Variants in NCKAP5 observed in about 807,000 individuals in gnomAD.
NCKAP5 encodes nck-associated protein 5.
NCKAP5 carries 92 observed loss-of-function variants against 167.0 expected under a neutral mutation model. The ratio of observed to expected loss-of-function variants is 0.55; its 90% confidence interval spans 0.47 to 0.66. The LOEUF (loss-of-function observed/expected upper bound fraction) is 0.66. NCKAP5 is among the 30% of genes least tolerant of loss of function. The pLI is 0.00. For missense variants in NCKAP5, 2,378 were observed against 2,315.0 expected (o/e 1.03, Z -0.56); for synonymous variants, 891 against 877.4 (o/e 1.02, Z -0.27).
At chr2:133,592,719 T>C in the NCKAP5 span, among the ~76,000 whole-genome samples, 1 of 152,228 alleles carries the variant, frequency 6.6e-6, no homozygotes, top group Non-Finnish European at 1.5e-5. Context: ...AGAATACACT[T>C]TGCCTACACT....
At chr2:133,508,329 G>A (rs984579276) in intron 3 of NCKAP5, among the ~76,000 whole-genome samples, 3 of 152,116 alleles carry the variant, frequency 2.0e-5, no homozygotes, top group Non-Finnish European at 2.9e-5. Context: ...CCTCCTCCTT[G>A]GGGAAGCCCT....
chr2:133,304,483 C>A (rs1680630159), intron 3 of NCKAP5, among the ~76,000 whole-genome samples: 1 of 152,146 alleles, frequency 6.6e-6, no homozygotes. Flanking sequence ...TTAAACAAGA[C>A]CACTGGGAAT....
At chr2:133,656,644 C>CTCTT in the NCKAP5 span, among the ~76,000 whole-genome samples, 3 of 152,196 alleles carry the variant, frequency 2.0e-5, no homozygotes, top group Non-Finnish European at 4.4e-5. Context: ...ATTTGTAAGG[C>CTCTT]TCTTGTCTTG....
At chr2:133,638,525 T>G in the NCKAP5 span, among the ~76,000 whole-genome samples, 2 of 152,176 alleles carry the variant, frequency 1.3e-5, no homozygotes, top group African/African-American at 2.4e-5. Flanking sequence ...TAGATGGCAC[T>G]ACGTCCAAAT....
intron 3 of NCKAP5, among the ~76,000 whole-genome samples, chr2:133,479,932 C>CTTT (rs11368084): frequency 5.2e-5 from 7 of 133,584 alleles, no homozygotes; most frequent in African/African-American, 1.4e-4. Context: ...TTTCTTTTTC[C>CTTT]TTTTTTTTTT....
chr2:132,937,626 C>T (rs986261964), intron 8 of NCKAP5, among the ~76,000 whole-genome samples: 9 of 152,312 alleles, frequency 5.9e-5, no homozygotes, highest in Admixed American at 5.2e-4. Context: ...TTGATTGCTG[C>T]TTGTTGTTAC....
intron 16 of NCKAP5, among the ~76,000 whole-genome samples, chr2:132,735,402 T>C (rs559712822): frequency 2.0e-5 from 3 of 152,288 alleles, no homozygotes; most frequent in African/African-American, 4.8e-5. Flanking sequence ...ACCTTCTCTC[T>C]TGCTCCTGCT....
rs1191130559 is a variant in NCKAP5, at chr2:132,758,135, C to T, written c.5128+15681G>A. The stretch of plus-strand genomic sequence containing the variant: ...TGAGTTAGCCTCCTGTCTCCTCATT[C>T]GGTTGCTTTGCAGTAAACCTTTCTC... On this transcript the variant is annotated intron_variant, in intron 16 of 19. Coordinates refer to ENST00000409261, the MANE Select transcript of NCKAP5 (RefSeq NM_207363.3). 7.9e-5 allele frequency among the ~76,000 whole-genome samples: 12 copies of T among 152,188 alleles called. 1 individual carries two copies. Among genetic ancestry groups the T allele is most frequent in the Admixed American group, 5.9e-4 (9 of 15,288 alleles).
chr2:133,332,641 T>G (rs1682936568), intron 3 of NCKAP5, among the ~76,000 whole-genome samples: 1 of 152,166 alleles, frequency 6.6e-6, no homozygotes, highest in Admixed American at 6.5e-5. Context: ...AAAAGAAAAT[T>G]TTTAAGGATT....
At chr2:133,108,769 AAG>A (rs2081808125) in intron 6 of NCKAP5, among the ~76,000 whole-genome samples, 1 of 152,158 alleles carries the variant, frequency 6.6e-6, no homozygotes, top group South Asian at 2.1e-4. Context: ...TAAGACATAA[AAG>A]TAAGGTTATA....
At chr2:133,282,112 T>C (rs957776630) in intron 4 of NCKAP5, among the ~76,000 whole-genome samples, 1 of 152,216 alleles carries the variant, frequency 6.6e-6, no homozygotes, top group African/African-American at 2.4e-5. Flanking sequence ...CCAGCCAAAC[T>C]AGTTAATTAA....
At chr2:133,671,178 G>A in the NCKAP5 span, among the ~76,000 whole-genome samples, 1 of 128,628 alleles carries the variant, frequency 7.8e-6, no homozygotes, top group African/African-American at 3.1e-5. Context: ...TCGTGCCATT[G>A]CACTCCAGCC....
intron 8 of NCKAP5, among the ~76,000 whole-genome samples, chr2:132,891,534 C>CCT (rs1363265319): frequency 6.6e-6 from 1 of 152,160 alleles, no homozygotes; most frequent in Non-Finnish European, 1.5e-5. Flanking sequence ...TATGAGTCTG[C>CCT]CTCTCTCTCC....
At chr2:132,979,967 ATTTTTT>A (rs202183850) in intron 7 of NCKAP5, among the ~76,000 whole-genome samples, 2 of 143,056 alleles carry the variant, frequency 1.4e-5, no homozygotes, top group South Asian at 2.3e-4. Flanking sequence ...CAGTACAATG[ATTTTTT>A]TTTTCTTTTT....
chr2:133,570,660 G>T (rs145740230), upstream of NCKAP5, among the ~76,000 whole-genome samples: 2 of 152,178 alleles, frequency 1.3e-5, no homozygotes, highest in Non-Finnish European at 2.9e-5. Flanking sequence ...GTGCAATCCT[G>T]TTTGACAAAT....
intron 11 of NCKAP5, among the ~76,000 whole-genome samples, chr2:132,850,623 C>A (rs756009813): frequency 1.3e-5 from 2 of 152,058 alleles, no homozygotes; most frequent in Non-Finnish European, 2.9e-5. Flanking sequence ...TGGGAAATGG[C>A]ATATTTGACC....
chr2:133,666,260 C>G, the NCKAP5 span, among the ~76,000 whole-genome samples: 7 of 145,932 alleles, frequency 4.8e-5, no homozygotes, highest in Non-Finnish European at 7.4e-5. Context: ...TGCAGTGGCG[C>G]GATCTCGGCT....
At position 133,513,116 on chromosome 2, in the gene NCKAP5, A is replaced by C. The variant is rs140719591; in HGVS notation, c.69+4342T>G. Among the ~76,000 whole-genome samples the C allele has an allele frequency of 2.2e-3, 340 of 152,306 alleles. 5 individuals carry two copies. The highest frequency in any genetic ancestry group is 7.5e-3 in the African/African-American group (312 of 41,586). ...TAACTGAGGAGAGTTTGGTAAAGGG[A>C]CTGTTTACTGAATTGTGGACAGAGC... On this transcript the variant is annotated intron_variant, in intron 3 of 19. Coordinates refer to ENST00000409261, the MANE Select transcript of NCKAP5 (RefSeq NM_207363.3).
intron 7 of NCKAP5, among the ~76,000 whole-genome samples, chr2:132,980,732 T>A (rs58336095): frequency 0.11 from 16,986 of 152,060 alleles, 1,962 homozygotes; most frequent in African/African-American, 0.3. Context: ...TGTGTCAATT[T>A]TCACTACCAG....
Sources: gnomAD v4.1 joint callset for allele counts (sites outside exome capture counted in the v4.1 genomes callset) on GRCh38, gnomAD v4.1.1 for gene constraint, MANE v1.5 for transcripts, NCBI Gene and HGNC (gene_info 2026-07-23, HGNC 2026-07-21) for gene names.